The following ZBBX variants were observed in gnomAD, a reference collection of about 807,000 sequenced individuals.
ZBBX encodes the protein zinc finger B-box domain containing.
Under a neutral mutation model 108.5 loss-of-function variants are expected in ZBBX, and 101 were observed. The ratio of observed to expected loss-of-function variants is 0.93; its 90% confidence interval spans 0.79 to 1.10. The LOEUF (loss-of-function observed/expected upper bound fraction) is 1.10, where lower values mean the gene tolerates loss of function less well. Ranked by LOEUF, ZBBX falls within the 50% of genes least tolerant of loss-of-function variation. ZBBX has a pLI of 0.00. For synonymous variants in ZBBX, 356 were observed against 323.4 expected (o/e 1.10, Z -1.08); for missense variants, 1,009 against 941.4 (o/e 1.07, Z -0.94).
chr3:167,229,382 T>G, the ZBBX span, among the ~76,000 whole-genome samples: 1 of 151,896 alleles, frequency 6.6e-6, no homozygotes, highest in Non-Finnish European at 1.5e-5. Flanking sequence ...ATTATTTTTG[T>G]CTCTATTGTC....
intron 20 of ZBBX, among the ~76,000 whole-genome samples, chr3:167,279,185 T>C (rs925103393): frequency 3.3e-5 from 5 of 152,230 alleles, no homozygotes; most frequent in Admixed American, 1.3e-4. Flanking sequence ...CTTTGAAAAC[T>C]GGCACAAGAC....
At chr3:167,357,232 A>G (rs1188267414) in intron 8 of ZBBX, among the ~76,000 whole-genome samples, 1 of 152,206 alleles carries the variant, frequency 6.6e-6, no homozygotes, top group Non-Finnish European at 1.5e-5. Context: ...AGCAAAGAAC[A>G]GAGAAGAAAC....
chr3:167,271,829 A>G (rs1295002286), intron 20 of ZBBX, among the ~76,000 whole-genome samples: 1 of 152,218 alleles, frequency 6.6e-6, no homozygotes, highest in Non-Finnish European at 1.5e-5. Flanking sequence ...TATTAATAGT[A>G]GATCACCTCA....
intron 9 of ZBBX, among the ~76,000 whole-genome samples, chr3:167,340,107 CA>C (rs1233818444): frequency 6.6e-6 from 1 of 152,040 alleles, no homozygotes; most frequent in Non-Finnish European, 1.5e-5. Context: ...GAAACCTGTA[CA>C]GATTATTTTG....
intron 8 of ZBBX, among the ~76,000 whole-genome samples, chr3:167,358,935 C>CAAAAAAAAAAAAAAAAAAAAAAAA: frequency 1.5e-5 from 1 of 66,230 alleles, no homozygotes; most frequent in Non-Finnish European, 2.6e-5. Context: ...GACTCCATCT[C>CAAAAAAAAAAAAAAAAAAAAAAAA]AAAAAAAAAA....
intron 20 of ZBBX, among the ~76,000 whole-genome samples, chr3:167,279,695 G>T (rs887823592): frequency 6.6e-6 from 1 of 151,884 alleles, no homozygotes; most frequent in Admixed American, 6.6e-5. Flanking sequence ...TAGATTCAAT[G>T]CCATCCCCAT....
At chr3:167,284,711 G>T (rs1274550171) in intron 19 of ZBBX, among the ~76,000 whole-genome samples, 1 of 152,084 alleles carries the variant, frequency 6.6e-6, no homozygotes, top group Admixed American at 6.6e-5. Flanking sequence ...TTAGCACACA[G>T]CAAAGAAACA....
chr3:167,330,991 G>A (rs1190117809), intron 10 of ZBBX, among the ~76,000 whole-genome samples: 1 of 41,064 alleles, frequency 2.4e-5, no homozygotes, highest in Admixed American at 3.3e-4. Context: ...GTATGCATGT[G>A]CATACAGAAG....
At chr3:167,364,218 C>G (rs781007411) in intron 6 of ZBBX, among the ~76,000 whole-genome samples, 6 of 151,106 alleles carry the variant, frequency 4.0e-5, no homozygotes, top group Admixed American at 4.0e-4. Flanking sequence ...ACAACAACAA[C>G]AACAAAAATA....
chr3:167,253,612 T>C (rs2108373244), intron 20 of ZBBX, among the ~76,000 whole-genome samples: 1 of 152,106 alleles, frequency 6.6e-6, no homozygotes, highest in African/African-American at 2.4e-5. Context: ...AAGAGTACAA[T>C]ACAGAACCCG....
chr3:167,342,072 G>C (rs1740631788), intron 9 of ZBBX, among the ~76,000 whole-genome samples: 1 of 151,468 alleles, frequency 6.6e-6, no homozygotes, highest in Non-Finnish European at 1.5e-5. Context: ...AACATCTTTA[G>C]GTATAGAAGA....
intron 10 of ZBBX, among the ~76,000 whole-genome samples, chr3:167,329,279 C>G (rs752928678): frequency 6.6e-6 from 1 of 152,156 alleles, no homozygotes; most frequent in Non-Finnish European, 1.5e-5. Flanking sequence ...ATGTGGATTA[C>G]CTACACTGGT....
At chr3:167,270,732 G>T (rs1372474400) in intron 20 of ZBBX, among the ~76,000 whole-genome samples, 1 of 152,180 alleles carries the variant, frequency 6.6e-6, no homozygotes, top group Non-Finnish European at 1.5e-5. Flanking sequence ...CGAAGTTAGA[G>T]CAATACTAAA....
the ZBBX span, among the ~76,000 whole-genome samples, chr3:167,210,424 A>G: frequency 1.3e-5 from 2 of 152,190 alleles, no homozygotes; most frequent in Non-Finnish European, 2.9e-5. Context: ...AAACACTCTT[A>G]AAAGGGCAAA....
intron 7 of ZBBX, 37 bp downstream of exon 7, chr3:167,360,638 T>C: frequency 1.7e-6 from 2 of 1,167,192 alleles, no homozygotes; most frequent in Middle Eastern, 2.1e-4. Context: ...GAAAGGGATG[T>C]CTTTAGCATT....
chr3:167,371,852 G>T (rs1294253058), intron 4 of ZBBX, among the ~76,000 whole-genome samples: 1 of 152,092 alleles, frequency 6.6e-6, no homozygotes, highest in African/African-American at 2.4e-5. Flanking sequence ...CATTAGAATA[G>T]CTTTGAAGAC....
At chr3:167,312,019 C>T (rs1576966092) in intron 16 of ZBBX, among the ~76,000 whole-genome samples, 1 of 152,104 alleles carries the variant, frequency 6.6e-6, no homozygotes, top group African/African-American at 2.4e-5. Context: ...ATTGCTAAAG[C>T]TTGGAACAAC....
chr3:167,208,550 A>G, the ZBBX span, among the ~76,000 whole-genome samples: 24 of 152,192 alleles, frequency 1.6e-4, no homozygotes, highest in Middle Eastern at 3.4e-3. Flanking sequence ...TAACATTTCT[A>G]GACACATCCT....
At chr3:167,322,305 A>C in intron 11 of ZBBX, 68 bp from the exon 12 acceptor site, 1 of 1,325,440 alleles carries the variant, frequency 7.5e-7, no homozygotes, top group Non-Finnish European at 9.9e-7. Context: ...TCTTCTCTTA[A>C]GATGTAGAAC....
Sources: gnomAD v4.1 joint callset for allele counts (sites outside exome capture counted in the v4.1 genomes callset) on GRCh38, gnomAD v4.1.1 for gene constraint, MANE v1.5 for transcripts, NCBI Gene and HGNC (gene_info 2026-07-23, HGNC 2026-07-21) for gene names.